AOPEP: variants seen among roughly 807,000 people sequenced by gnomAD.
AOPEP encodes the protein aminopeptidase O (putative), also known as aminopeptidase O.
A neutral mutation model predicts 98.1 loss-of-function variants in AOPEP; 77 were observed. That is an observed-to-expected ratio of 0.78 (90% CI 0.65 to 0.95). The LOEUF (loss-of-function observed/expected upper bound fraction) is 0.95. Among genes scored for constraint, AOPEP ranks in the 40% least tolerant of loss-of-function variants. The pLI is 0.00. For synonymous variants in AOPEP, 346 were observed against 365.3 expected (o/e 0.95, Z 0.60); for missense variants, 1,024 against 1,024.7 (o/e 1.00, Z 0.01).
intron 5 of AOPEP, among the ~76,000 whole-genome samples, chr9:94,876,039 T>C (rs778108225): frequency 1.3e-5 from 2 of 152,220 alleles, no homozygotes; most frequent in African/African-American, 2.4e-5. Flanking sequence ...AGCATTCTTA[T>C]GAAACAAACC....
chr9:95,019,082 GGCAGCAAGTATA>G (rs1476384724), intron 13 of AOPEP: 7 of 151,934 alleles, frequency 4.6e-5, no homozygotes, highest in Non-Finnish European at 1.0e-4. Context: ...TTCTTCAGCC[GGCAGCAAGTATA>G]GCAGCAAGTA....
intron 1 of AOPEP, among the ~76,000 whole-genome samples, chr9:94,736,110 A>G (rs560114711): frequency 8.5e-5 from 13 of 152,298 alleles, no homozygotes; most frequent in Admixed American, 3.9e-4. Flanking sequence ...TATGTTTTTT[A>G]AAACAATATT....
chr9:95,072,383 G>A (rs982441259), intron 14 of AOPEP, among the ~76,000 whole-genome samples: 1 of 152,168 alleles, frequency 6.6e-6, no homozygotes, highest in Admixed American at 6.5e-5. Context: ...AAGAGATTAG[G>A]GGCCAGGCTT....
intron 16 of AOPEP, chr9:95,085,127 T>G (rs1175584858): frequency 2.4e-6 from 1 of 415,670 alleles, no homozygotes; most frequent in Non-Finnish European, 5.1e-6. Context: ...TTTGCTAGCA[T>G]AACAGGCGTG....
chr9:94,778,569 A>G (rs1158653890), intron 3 of AOPEP, among the ~76,000 whole-genome samples: 1 of 152,176 alleles, frequency 6.6e-6, no homozygotes, highest in African/African-American at 2.4e-5. Flanking sequence ...AAGTCAAACC[A>G]GTCTGTACTG....
chr9:95,117,362 G>A, the AOPEP span: 1 of 1,614,060 alleles, frequency 6.2e-7, no homozygotes, highest in Non-Finnish European at 8.5e-7. Flanking sequence ...AGAAGTGTAA[G>A]GAAAGTAGGT....
In AOPEP at chr9:94,833,199, CTGCT is replaced by C. The variant is rs530568891; in HGVS notation, c.1364+32198_1364+32201del. Among the ~76,000 whole-genome samples the C allele has an allele frequency of 9.4e-4, 137 of 145,198 alleles. 1 individual carries two copies. In the South Asian group the frequency reaches 0.03, roughly 31 times the overall value. On this transcript the variant is annotated intron_variant, in intron 5 of 16. Coordinates refer to ENST00000375315, the MANE Select transcript of AOPEP (RefSeq NM_001193329.3). ...GATCCACCCGCCTCTGCCTCCCAAA[CTGCT>C]AGGATTACAAGCATGAGCCACCACA...
chr9:95,049,090 TCTTA>T (rs1327854290), intron 13 of AOPEP: 9 of 152,202 alleles, frequency 5.9e-5, no homozygotes, highest in African/African-American at 1.7e-4. Flanking sequence ...CAGAGTTAGC[TCTTA>T]CTTGTTAAAT....
In AOPEP at chr9:94,759,976, CA is replaced by C. The variant is rs1244144609; in HGVS notation, c.195del (p.Gln65HisfsTer20). 6.2e-7 allele frequency: 1 copy of C among 1,614,020 alleles called. No homozygotes were observed. Among genetic ancestry groups the C allele is most frequent in the Non-Finnish European group, 8.5e-7 (1 of 1,180,026 alleles). Reference protein sequence around the residue: ...KQNSSIEEACQSESNKACKFG... With the variant: ...KQNSSIEEACXSESNKACKFG... ...GAATAGCTCTATTGAGGAAGCCTGC[CA>C]ATCAGAATCAAACAAAGCCTGCAAA... is the stretch of plus-strand genomic sequence containing the variant. On this transcript the variant is annotated frameshift_variant, in exon 2 of 17. Coordinates refer to ENST00000375315, the MANE Select transcript of AOPEP (RefSeq NM_001193329.3). LOFTEE classifies it high-confidence loss of function.
the AOPEP span, chr9:95,150,005 C>T: frequency 6.2e-7 from 1 of 1,613,816 alleles, no homozygotes; most frequent in South Asian, 1.1e-5. Flanking sequence ...ATGAGGAGAG[C>T]CTCCACCAGG....
chr9:95,008,126 C>T (rs1371330585), intron 13 of AOPEP, among the ~76,000 whole-genome samples: 6 of 152,110 alleles, frequency 3.9e-5, no homozygotes, highest in Admixed American at 2.0e-4. Flanking sequence ...TGGTAGATGC[C>T]GCTTTGAAAT....
chr9:94,797,397 C>CTGA (rs1456306419), intron 4 of AOPEP, among the ~76,000 whole-genome samples: 2 of 148,912 alleles, frequency 1.3e-5, no homozygotes, highest in Non-Finnish European at 3.0e-5. Flanking sequence ...CACCACTGCA[C>CTGA]TTCAGCCTGG....
At chr9:94,914,558 GTGTA>G (rs1554767262) in intron 5 of AOPEP, among the ~76,000 whole-genome samples, 6 of 151,818 alleles carry the variant, frequency 4.0e-5, no homozygotes, top group African/African-American at 1.5e-4. Context: ...GTGTGTGTGT[GTGTA>G]TGTACAGGAT....
At chr9:94,981,988 T>G (rs911711064) in intron 11 of AOPEP, among the ~76,000 whole-genome samples, 2 of 152,184 alleles carry the variant, frequency 1.3e-5, no homozygotes, top group African/African-American at 2.4e-5. Context: ...ATAGCTTCAG[T>G]AAAAGTGAGC....
chr9:94,872,046 T>A (rs1297136121), intron 5 of AOPEP, among the ~76,000 whole-genome samples: 1 of 152,114 alleles, frequency 6.6e-6, no homozygotes, highest in East Asian at 1.9e-4. Flanking sequence ...TCCTAGTTTT[T>A]TCTAGCTCAG....
chr9:94,808,029 CTTTTCTT>C (rs1849617217), intron 5 of AOPEP, among the ~76,000 whole-genome samples: 1 of 151,488 alleles, frequency 6.6e-6, no homozygotes, highest in South Asian at 2.1e-4. Flanking sequence ...TCTCAGCCAC[CTTTTCTT>C]TTTTCTTTCT....
chr9:94,897,013 A>G (rs2049677653), intron 5 of AOPEP, among the ~76,000 whole-genome samples: 1 of 151,770 alleles, frequency 6.6e-6, no homozygotes, highest in African/African-American at 2.4e-5. Context: ...AATGTGAAAC[A>G]TAAGGTGTAT....
chr9:94,859,991 GAGAT>G (rs1156346798), intron 5 of AOPEP, among the ~76,000 whole-genome samples: 5 of 152,230 alleles, frequency 3.3e-5, no homozygotes, highest in Admixed American at 6.5e-5. Context: ...TCTGGTTGGG[GAGAT>G]AGATAGTTAT....
chr9:95,057,651 G>A (rs533881488), intron 13 of AOPEP, among the ~76,000 whole-genome samples: 36 of 152,294 alleles, frequency 2.4e-4, no homozygotes, highest in African/African-American at 8.2e-4. Flanking sequence ...TGTACTTTGC[G>A]AATGAAAGAT....
Sources: allele counts gnomAD v4.1 joint callset (sites outside exome capture counted in the v4.1 genomes callset), GRCh38; gene constraint gnomAD v4.1.1; transcripts MANE v1.5; gene names NCBI Gene and HGNC (gene_info 2026-07-23, HGNC 2026-07-21).